Variants in BIRC6 observed in about 807,000 individuals in gnomAD.
BIRC6 encodes baculoviral IAP repeat containing 6.
A neutral mutation model predicts 503.3 loss-of-function variants in BIRC6; 98 were observed. That is an observed-to-expected ratio of 0.19 (90% CI 0.17 to 0.23). BIRC6 has a LOEUF of 0.23. BIRC6 is among the 10% of genes least tolerant of loss of function. The probability of loss-of-function intolerance (pLI) is 1.00; values close to 1 mark genes in which losing one functional copy is unlikely to be tolerated. For synonymous variants in BIRC6, 2,240 were observed against 2,078.7 expected (o/e 1.08, Z -2.11); for missense variants, 5,360 against 5,806.0 (o/e 0.92, Z 2.50).
At chr2:32,420,049 C>T (rs2042773382) in intron 10 of BIRC6, among the ~76,000 whole-genome samples, 1 of 152,206 alleles carries the variant, frequency 6.6e-6, no homozygotes, top group Non-Finnish European at 1.5e-5. Flanking sequence ...GGGATAAAAC[C>T]CATTTGGTCA....
intron 28 of BIRC6, 133 bp downstream of exon 28, chr2:32,468,244 C>T (rs536685081): frequency 3.0e-5 from 31 of 1,034,126 alleles, no homozygotes; most frequent in South Asian, 8.3e-5. Flanking sequence ...GAGATTAGCA[C>T]GTTACAATAA....
chr2:32,358,496 T>C (rs1449665561), intron 1 of BIRC6, among the ~76,000 whole-genome samples: 1 of 152,174 alleles, frequency 6.6e-6, no homozygotes, highest in East Asian at 1.9e-4. Context: ...TTAATTTGGA[T>C]GTTGTAGGTT....
At chr2:32,392,953 A>G (rs2039436766) in intron 5 of BIRC6, among the ~76,000 whole-genome samples, 1 of 152,030 alleles carries the variant, frequency 6.6e-6, no homozygotes, top group South Asian at 2.1e-4. Flanking sequence ...AATTTTTTTT[A>G]TAAAATCAAC....
chr2:32,569,215 C>T (rs552237202), intron 65 of BIRC6, among the ~76,000 whole-genome samples: 9 of 152,090 alleles, frequency 5.9e-5, no homozygotes, highest in Non-Finnish European at 1.0e-4. Flanking sequence ...CCTTGAACTT[C>T]TGGCCCCTAG....
chr2:32,417,732 G>A (rs528506521), intron 10 of BIRC6, among the ~76,000 whole-genome samples: 76 of 152,272 alleles, frequency 5.0e-4, no homozygotes, highest in African/African-American at 1.8e-3. Flanking sequence ...GTGAAATGTA[G>A]TGGTTAGATT....
chr2:32,429,362 T>C (rs1178397125), intron 11 of BIRC6, 67 bp downstream of exon 11: 9 of 1,205,550 alleles, frequency 7.5e-6, no homozygotes, highest in Non-Finnish European at 1.0e-5. Context: ...TTTCTAGTTG[T>C]TGGAAGATGT....
At chr2:32,468,884 G>C in intron 29 of BIRC6, 101 bp downstream of exon 29, 1 of 953,424 alleles carries the variant, frequency 1.0e-6, no homozygotes, top group Non-Finnish European at 1.5e-6. Flanking sequence ...TGTAAATTTT[G>C]GTATTTTAAA....
intron 23 of BIRC6, among the ~76,000 whole-genome samples, chr2:32,455,107 G>T (rs965963958): frequency 6.6e-6 from 1 of 151,990 alleles, no homozygotes; most frequent in Non-Finnish European, 1.5e-5. Flanking sequence ...GGCCTGGCGC[G>T]GTGGCTCATG....
chr2:32,591,300 A>G (rs1483042119), intron 66 of BIRC6, among the ~76,000 whole-genome samples: 1 of 152,208 alleles, frequency 6.6e-6, no homozygotes, highest in Non-Finnish European at 1.5e-5. Context: ...CATTTGATGT[A>G]AAGAATTTTT....
rs1364721885 is a variant in BIRC6 at position 32,488,622 on chromosome 2, G to A, written c.8003G>A (p.Ser2668Asn). ...ESLLQLWLTL[S>N]LNSSSTGNKE... is the part of the protein sequence containing the mutation. ...CTTCTCCAATTGTGGCTCACACTGA[G>A]CCTGAATTCTAGTTCAACTGGAAAC... is the stretch of plus-strand genomic sequence containing the variant. The change falls in exon 42 of 74, where the codon AGC becomes AAC. Residue 2668 changes from serine to asparagine, a missense_variant. Around this residue, in one of 16 missense-constraint regions of BIRC6, gnomAD observed 2,299 missense variants for 2,267.2 expected, o/e 1.01. Coordinates refer to ENST00000421745, the MANE Select transcript of BIRC6 (RefSeq NM_016252.4). 5.2e-6 allele frequency: 8 copies of A among 1,535,182 alleles called. No homozygotes were observed. The East Asian group carries it at 1.7e-4, about 33-fold the overall frequency.
chr2:32,478,638 C>G lies in BIRC6; in HGVS notation c.7072C>G (p.Leu2358Val), dbSNP rs1572508003. ...GATTTTATAAAATGTATTACAGGTTCTTGCACGCATTGCAAATGCCACGAG... is the reference window on the plus strand; with the variant it reads ...GATTTTATAAAATGTATTACAGGTTGTTGCACGCATTGCAAATGCCACGAG... Reference protein sequence around the residue: ...ADLLLFVCKVLARIANATRPT... With the variant: ...ADLLLFVCKVVARIANATRPT... Residue 2358 changes from leucine (L) to valine (V), a missense_variant, in exon 36 of 74, where the codon CTT (leucine) becomes GTT (valine). Transcript: ENST00000421745. 6.2e-7 allele frequency: 1 copy of G among 1,609,838 alleles called. No individual in the cohort carries two copies. Among genetic ancestry groups the G allele is most frequent in the Non-Finnish European group, 8.5e-7 (1 of 1,178,702 alleles).
intron 65 of BIRC6, among the ~76,000 whole-genome samples, chr2:32,554,226 C>G (rs773438890): frequency 3.9e-5 from 6 of 152,088 alleles, no homozygotes; most frequent in Admixed American, 2.6e-4. Context: ...GTGGGGTATG[C>G]TACAAATTCT....
intron 6 of BIRC6, among the ~76,000 whole-genome samples, chr2:32,399,544 A>G (rs1175328770): frequency 6.6e-6 from 1 of 152,168 alleles, no homozygotes; most frequent in African/African-American, 2.4e-5. Context: ...ATGCTTTACC[A>G]TCACGCCTGG....
rs1573954663 is a variant in BIRC6, at chr2:32,401,578, A to G, written c.1373A>G (p.Glu458Gly). ...AGGAGACCAACTTTGGCGTGGCTGGAGGACTCCTCTAGTTGCTCAGATATA... is the reference window on the plus strand; with the variant it reads ...AGGAGACCAACTTTGGCGTGGCTGGGGGACTCCTCTAGTTGCTCAGATATA... ...DSRRPTLAWL[E>G]DSSSCSDIPK... Residue 458 changes from glutamate (E) to glycine (G), a missense_variant, in exon 8 of 74, where the codon GAG (glutamate) becomes GGG (glycine). Physicochemically the swap from Glu to Gly is moderately conservative, Grantham distance 98. This residue lies in a region of BIRC6 where 700 missense variants were observed against 739.3 expected (regional missense o/e 0.95). Transcript: ENST00000421745. 1 of 1,614,036 alleles carries G rather than the reference A, an allele frequency of 6.2e-7. No individual in the cohort carries two copies. Among genetic ancestry groups the G allele is most frequent in the Non-Finnish European group, 8.5e-7 (1 of 1,179,890 alleles).
intron 23 of BIRC6, among the ~76,000 whole-genome samples, chr2:32,457,582 G>T (rs1196258154): frequency 6.6e-6 from 1 of 151,916 alleles, no homozygotes; most frequent in Admixed American, 6.6e-5. Context: ...AGATTATATA[G>T]TCTAGATTCC....
At position 32,453,426 on chromosome 2, in the gene BIRC6, A is replaced by G. The variant is rs562112190; in HGVS notation, c.4619-382A>G. ...TGTATTCTGATTTTACATATAGCCA[A>G]CAGATTAGGTGATAGCTAATGTGAC... On this transcript the variant is annotated intron_variant, in intron 22 of 73. Coordinates refer to ENST00000421745, the MANE Select transcript of BIRC6 (RefSeq NM_016252.4). 5.3e-5 allele frequency among the ~76,000 whole-genome samples: 8 copies of G among 152,292 alleles called. No individual in the cohort carries two copies. In the East Asian group the frequency reaches 1.5e-3, roughly 29 times the overall value.
intron 73 of BIRC6, among the ~76,000 whole-genome samples, chr2:32,615,576 A>G (rs1451701077): frequency 6.6e-6 from 1 of 152,140 alleles, no homozygotes; most frequent in Non-Finnish European, 1.5e-5. Flanking sequence ...TTGTTCTGTA[A>G]ATAAATGTTG....
intron 3 of BIRC6, among the ~76,000 whole-genome samples, chr2:32,384,505 A>C (rs2038161176): frequency 6.6e-6 from 1 of 152,202 alleles, no homozygotes; most frequent in South Asian, 2.1e-4. Flanking sequence ...TATGGACAGA[A>C]CAGGTAAATG....
chr2:32,461,083 CTCT>C (rs2047902153), intron 23 of BIRC6, among the ~76,000 whole-genome samples: 3 of 5,042 alleles, frequency 6.0e-4, no homozygotes, highest in East Asian at 7.4e-3. Context: ...CTCTCCTCTC[CTCT>C]CCTCTCCTCT....
Sources: allele counts gnomAD v4.1 joint callset (sites outside exome capture counted in the v4.1 genomes callset), GRCh38; gene constraint gnomAD v4.1.1; regional missense constraint gnomAD v4.1.1; transcripts MANE v1.5; gene names NCBI Gene and HGNC (gene_info 2026-07-23, HGNC 2026-07-21).